The following UNC13C variants were observed in gnomAD, a reference collection of about 807,000 sequenced individuals.
UNC13C encodes protein unc-13 homolog C.
A neutral mutation model predicts 245.4 loss-of-function variants in UNC13C; 174 were observed. The ratio of observed to expected loss-of-function variants is 0.71; its 90% CI spans 0.63 to 0.80. The LOEUF is 0.80. Ranked by LOEUF, UNC13C falls within the 30% of genes least tolerant of loss-of-function variation. The probability of loss-of-function intolerance (pLI) is 0.00; values close to 1 mark genes in which losing one functional copy is unlikely to be tolerated. For missense variants in UNC13C, 2,829 were observed against 2,602.9 expected, an observed-to-expected ratio of 1.09 and a Z score of -1.89; for synonymous variants, 992 against 895.1, an observed-to-expected ratio of 1.11 and a Z score of -1.93.
intron 2 of UNC13C, among the ~76,000 whole-genome samples, chr15:54,133,654 C>A (rs2031561463): frequency 6.6e-6 from 1 of 152,048 alleles, no homozygotes; most frequent in Admixed American, 6.6e-5. Flanking sequence ...AGGGAGTACC[C>A]AGCATGTAAT....
rs563322975 is a variant in UNC13C, at chr15:54,143,953, T to A, written c.3071+269T>A. 1.2e-4 allele frequency among the ~76,000 whole-genome samples: 19 copies of A among 152,316 alleles called. No homozygotes were observed. In the South Asian group the frequency reaches 3.7e-3, roughly 30 times the overall value. On this transcript the variant is annotated intron_variant, in intron 4 of 32. Transcript: ENST00000260323. Reference sequence around the variant, plus strand: ...TTTAACTGTTAACATTATCATTACATACCCAAATAGAATCACAAAATTTTA... The same window carrying A: ...TTTAACTGTTAACATTATCATTACAAACCCAAATAGAATCACAAAATTTTA...
At chr15:53,969,437 T>A in the UNC13C span, among the ~76,000 whole-genome samples, 1 of 151,892 alleles carries the variant, frequency 6.6e-6, no homozygotes, top group Non-Finnish European at 1.5e-5. Context: ...ACATAATACA[T>A]TTTGGGAGGC....
At chr15:53,854,122 G>GTTTTTTTGTTTTTTTTTTTTT in the UNC13C span, among the ~76,000 whole-genome samples, 4 of 133,578 alleles carry the variant, frequency 3.0e-5, no homozygotes, top group Admixed American at 7.7e-5. Flanking sequence ...GTTTTTATAG[G>GTTTTTTTGTTTTTTTTTTTTT]TTTTTTTTTT....
intron 8 of UNC13C, among the ~76,000 whole-genome samples, chr15:54,255,083 G>T (rs2036245869): frequency 6.6e-6 from 1 of 152,152 alleles, no homozygotes; most frequent in Non-Finnish European, 1.5e-5. Context: ...TGGGTAGGGA[G>T]CCCCACGGCA....
chr15:54,201,807 TAGCC>T (rs1337694612), intron 4 of UNC13C, among the ~76,000 whole-genome samples: 1 of 152,018 alleles, frequency 6.6e-6, no homozygotes, highest in African/African-American at 2.4e-5. Flanking sequence ...CTGAAAGTCC[TAGCC>T]AGAGAAATCA....
intron 13 of UNC13C, among the ~76,000 whole-genome samples, chr15:54,305,278 A>T (rs918222322): frequency 1.3e-5 from 2 of 152,108 alleles, no homozygotes; most frequent in Non-Finnish European, 2.9e-5. Flanking sequence ...AATTGAGCTG[A>T]TATAGGGGTC....
At chr15:53,853,187 G>T in the UNC13C span, among the ~76,000 whole-genome samples, 1 of 151,966 alleles carries the variant, frequency 6.6e-6, no homozygotes, top group Admixed American at 6.6e-5. Flanking sequence ...ACCCCCAACT[G>T]CAATAGGCCT....
intron 19 of UNC13C, among the ~76,000 whole-genome samples, chr15:54,417,988 A>C (rs752109000): frequency 1.3e-5 from 2 of 152,046 alleles, no homozygotes; most frequent in African/African-American, 4.8e-5. Context: ...CAGTGGTGTG[A>C]TGTTGGCTCA....
chr15:54,406,592 C>A (rs746986524), intron 18 of UNC13C, among the ~76,000 whole-genome samples: 2 of 152,090 alleles, frequency 1.3e-5, no homozygotes, highest in Non-Finnish European at 2.9e-5. Flanking sequence ...TGTTATTCCC[C>A]TTATTTTCAT....
chr15:54,210,191 A>T (rs2034835837), intron 4 of UNC13C, among the ~76,000 whole-genome samples: 1 of 148,528 alleles, frequency 6.7e-6, no homozygotes, highest in Non-Finnish European at 1.5e-5. Flanking sequence ...TTATGCAAAG[A>T]AAACTTACTA....
chr15:54,236,161 G>A lies in UNC13C; in HGVS notation c.3151-269G>A, dbSNP rs552194788. Among the ~76,000 whole-genome samples, 6 of 152,054 alleles carry A rather than the reference G, an allele frequency of 3.9e-5. No individual in the cohort carries two copies. In the South Asian group the frequency reaches 6.2e-4, roughly 16 times the overall value. ...AAGTAAATTTTCTTTCAGCAACAAC[G>A]TACATAACTTTTTACATCAGTAATT... On this transcript the variant is annotated intron_variant, in intron 5 of 32. Coordinates refer to ENST00000260323, the MANE Select transcript of UNC13C (RefSeq NM_001080534.3).
chr15:53,841,524 G>T, the UNC13C span, among the ~76,000 whole-genome samples: 1 of 152,106 alleles, frequency 6.6e-6, no homozygotes, highest in South Asian at 2.1e-4. Context: ...CATTAAAGAA[G>T]TTAGTAAAAA....
chr15:53,987,132 A>T (rs1894178284), intron 1 of UNC13C, among the ~76,000 whole-genome samples: 1 of 152,058 alleles, frequency 6.6e-6, no homozygotes, highest in African/African-American at 2.4e-5. Context: ...ATATTAAACT[A>T]TGTTTAGCAT....
chr15:54,476,332 T>C (rs1212071895), intron 19 of UNC13C, among the ~76,000 whole-genome samples: 2 of 146,890 alleles, frequency 1.4e-5, no homozygotes, highest in Non-Finnish European at 1.5e-5. Flanking sequence ...ATTTGTCAAT[T>C]TTGGCTTTTG....
At chr15:54,241,775 T>C (rs1395517451) in intron 7 of UNC13C, among the ~76,000 whole-genome samples, 1 of 152,138 alleles carries the variant, frequency 6.6e-6, no homozygotes, top group Non-Finnish European at 1.5e-5. Context: ...GGGCAGGAAC[T>C]TGTGATCGGG....
intron 17 of UNC13C, among the ~76,000 whole-genome samples, chr15:54,344,169 T>C (rs576082719): frequency 1.3e-5 from 2 of 152,200 alleles, no homozygotes; most frequent in Non-Finnish European, 2.9e-5. Flanking sequence ...ATCTTTATCA[T>C]TTCCTCATCT....
intron 2 of UNC13C, among the ~76,000 whole-genome samples, chr15:54,111,174 A>G (rs1900751036): frequency 6.6e-6 from 1 of 152,202 alleles, no homozygotes; most frequent in Non-Finnish European, 1.5e-5. Context: ...CCTCCTGTTT[A>G]TGTAGTACAA....
chr15:54,133,657 C>A (rs1458393051), intron 2 of UNC13C, among the ~76,000 whole-genome samples: 1 of 152,088 alleles, frequency 6.6e-6, no homozygotes, highest in African/African-American at 2.4e-5. Context: ...GAGTACCCAG[C>A]ATGTAATTAC....
intron 26 of UNC13C, among the ~76,000 whole-genome samples, chr15:54,545,883 T>C (rs926871964): frequency 1.3e-5 from 2 of 152,120 alleles, no homozygotes; most frequent in Admixed American, 1.3e-4. Context: ...GAGTGTAAAT[T>C]AGTTCGACCA....
Sources: allele counts gnomAD v4.1 joint callset (sites outside exome capture counted in the v4.1 genomes callset), GRCh38; gene constraint gnomAD v4.1.1; transcripts MANE v1.5; gene names NCBI Gene and HGNC (gene_info 2026-07-23, HGNC 2026-07-21).